SIPA1L2: variants seen among roughly 807,000 people sequenced by gnomAD.
SIPA1L2 encodes signal-induced proliferation-associated 1-like protein 2.
Under a neutral mutation model 163.9 loss-of-function variants are expected in SIPA1L2, and 56 were observed. The observed-to-expected ratio is 0.34, with a 90% CI of 0.28 to 0.43. The LOEUF (loss-of-function observed/expected upper bound fraction) is 0.43, where lower values mean the gene tolerates loss of function less well. SIPA1L2 is among the 20% of genes least tolerant of loss of function. The probability of loss-of-function intolerance (pLI) is 1.00; values close to 1 mark genes in which losing one functional copy is unlikely to be tolerated. For synonymous variants in SIPA1L2, 877 were observed against 865.7 expected, an observed-to-expected ratio of 1.01 and a Z score of -0.23; for missense variants, 1,974 against 2,193.5, an observed-to-expected ratio of 0.90 and a Z score of 2.00.
intron 1 of SIPA1L2, among the ~76,000 whole-genome samples, chr1:232,600,372 C>A (rs1391182531): frequency 6.6e-6 from 1 of 152,158 alleles, no homozygotes; most frequent in African/African-American, 2.4e-5. Flanking sequence ...AATCAATACT[C>A]CCCTTTTATT....
intron 1 of SIPA1L2, among the ~76,000 whole-genome samples, chr1:232,590,642 C>G (rs756255950): frequency 3.9e-5 from 6 of 152,190 alleles, no homozygotes; most frequent in Non-Finnish European, 8.8e-5. Context: ...TTGGGCCTCG[C>G]CCATGCAACC....
At chr1:232,421,951 C>CA (rs1015983445) in intron 18 of SIPA1L2, among the ~76,000 whole-genome samples, 3 of 152,020 alleles carry the variant, frequency 2.0e-5, no homozygotes, top group Non-Finnish European at 4.4e-5. Context: ...CATAAAAAAC[C>CA]AAAAAATTAT....
At chr1:232,581,066 G>A (rs1046394376) in intron 1 of SIPA1L2, among the ~76,000 whole-genome samples, 2 of 152,030 alleles carry the variant, frequency 1.3e-5, no homozygotes, top group Non-Finnish European at 2.9e-5. Context: ...CCATGTTCCT[G>A]ACCTGGGCTA....
chr1:232,506,496 A>G (rs1239414122), intron 3 of SIPA1L2, among the ~76,000 whole-genome samples: 1 of 152,200 alleles, frequency 6.6e-6, no homozygotes, highest in Non-Finnish European at 1.5e-5. Flanking sequence ...AACTATAATT[A>G]AAATGGATGG....
intron 2 of SIPA1L2, among the ~76,000 whole-genome samples, chr1:232,515,909 A>G (rs984589229): frequency 6.6e-6 from 1 of 152,228 alleles, no homozygotes; most frequent in African/African-American, 2.4e-5. Flanking sequence ...TATATCCAAC[A>G]GAGTAATTTT....
intron 2 of SIPA1L2, among the ~76,000 whole-genome samples, chr1:232,532,413 A>G (rs988112925): frequency 6.6e-6 from 1 of 152,224 alleles, no homozygotes; most frequent in Non-Finnish European, 1.5e-5. Flanking sequence ...AAGGCCTGAG[A>G]CACAGCAAGA....
chr1:232,402,363 GTTCTGATTATGCTC>G lies in SIPA1L2; in HGVS notation c.5022+15_5022+28del. 1 of 1,598,462 alleles carries G rather than the reference GTTCTGATTATGCTC, an allele frequency of 6.3e-7. No individual in the cohort carries two copies. The highest frequency in any genetic ancestry group is 8.6e-7 in the Non-Finnish European group (1 of 1,168,458). ...AGGGGCTGATTTTATAAGAGAAACA[GTTCTGATTATGCTC>G]TTCCAATTGATTACCTTCCGAAGGT... On this transcript the variant is annotated intron_variant, in intron 22 of 22. Coordinates refer to ENST00000674635, the MANE Select transcript of SIPA1L2 (RefSeq NM_020808.5).
chr1:232,415,827 T>C (rs868663822), intron 18 of SIPA1L2: 82 of 464,340 alleles, frequency 1.8e-4, no homozygotes, highest in Middle Eastern at 1.7e-3. Context: ...GGCACCACTG[T>C]CCCTCCCAGA....
chr1:232,404,560 T>C (rs1244415096), intron 19 of SIPA1L2, among the ~76,000 whole-genome samples: 1 of 152,170 alleles, frequency 6.6e-6, no homozygotes, highest in African/African-American at 2.4e-5. Flanking sequence ...TCAGTATGTA[T>C]AGCAGTAGCA....
chr1:232,572,666 T>C (rs1238000506), intron 2 of SIPA1L2, among the ~76,000 whole-genome samples: 1 of 122,170 alleles, frequency 8.2e-6, no homozygotes, highest in East Asian at 2.0e-4. Context: ...CAAATACATA[T>C]ATATATATAT....
intron 8 of SIPA1L2, among the ~76,000 whole-genome samples, chr1:232,469,634 G>T (rs913789482): frequency 6.6e-6 from 1 of 152,012 alleles, no homozygotes; most frequent in Non-Finnish European, 1.5e-5. Flanking sequence ...TAACAATGTG[G>T]TTTCTTAAAA....
intron 1 of SIPA1L2, among the ~76,000 whole-genome samples, chr1:232,625,169 G>A (rs993894747): frequency 1.3e-5 from 2 of 152,214 alleles, no homozygotes; most frequent in African/African-American, 4.8e-5. Flanking sequence ...GGAGCTATAT[G>A]GGCTAGTTAT....
intron 1 of SIPA1L2, among the ~76,000 whole-genome samples, chr1:232,591,969 G>C (rs1390573233): frequency 6.6e-6 from 1 of 152,168 alleles, no homozygotes; most frequent in African/African-American, 2.4e-5. Flanking sequence ...CCATCATAAA[G>C]GGCCACTTCT....
chr1:232,501,715 T>C (rs1257550324), intron 3 of SIPA1L2, among the ~76,000 whole-genome samples: 1 of 152,194 alleles, frequency 6.6e-6, no homozygotes, highest in African/African-American at 2.4e-5. Flanking sequence ...ATCTGGCCTT[T>C]TATAAAGCAT....
chr1:232,568,168 G>A (rs146252536), intron 2 of SIPA1L2, among the ~76,000 whole-genome samples: 217 of 152,264 alleles, frequency 1.4e-3, no homozygotes, highest in African/African-American at 4.7e-3. Context: ...CATATCCAAC[G>A]AGGGCGTTGT....
chr1:232,451,898 C>G (rs1337036298), intron 10 of SIPA1L2, among the ~76,000 whole-genome samples: 1 of 143,850 alleles, frequency 7.0e-6, no homozygotes, highest in Non-Finnish European at 1.5e-5. Flanking sequence ...TGCAATTTTT[C>G]ACATTTCTTG....
intron 10 of SIPA1L2, among the ~76,000 whole-genome samples, chr1:232,449,608 GA>G (rs5781696): frequency 0.32 from 47,821 of 148,702 alleles, 8,355 homozygotes; most frequent in East Asian, 0.57. Flanking sequence ...AGAGAAGAGG[GA>G]AAAAAAAAGG....
chr1:232,493,623 A>C lies in SIPA1L2; in HGVS notation c.1521T>G (p.Gly507=). 1 of 1,614,118 alleles carries C rather than the reference A, an allele frequency of 6.2e-7. No individual in the cohort carries two copies. The highest frequency in any genetic ancestry group is 8.5e-7 in the Non-Finnish European group (1 of 1,180,020). ...QNYFGIDENL[G]PVAVSIRREK... ...CTCTCCGGATGCTGACTGCTACTGGACCAAGGTTTTCATCTATTCCAAAGT... is the reference window on the plus strand; with the variant it reads ...CTCTCCGGATGCTGACTGCTACTGGCCCAAGGTTTTCATCTATTCCAAAGT... Residue 507 remains glycine, a synonymous_variant, in exon 4 of 23, where the codon GGT becomes GGG. Transcript: ENST00000674635.
Position 232,432,290 on chromosome 1 carries a change from C to G in SIPA1L2, c.4213G>C (p.Gly1405Arg). ...KYVIGWKKSE[G>R]SPPPEEPEVT... is the part of the protein sequence containing the mutation. The stretch of plus-strand genomic sequence containing the variant: ...TCAGGCTCCTCGGGCGGTGGGCTGC[C>G]CTCCGATTTCTTCCAGCCGATGACA... The change falls in exon 16 of 23, where the codon GGC becomes CGC. Residue 1405 changes from glycine to arginine, a missense_variant. Gly to Arg is a moderately radical substitution (Grantham distance 125). Around this residue, in one of 3 missense-constraint regions of SIPA1L2, gnomAD observed 1,079 missense variants for 1,150.7 expected, o/e 0.94. Coordinates refer to ENST00000674635, the MANE Select transcript of SIPA1L2 (RefSeq NM_020808.5). The G allele has an allele frequency of 6.2e-7, 1 of 1,614,130 alleles. No homozygotes were observed. Among genetic ancestry groups the G allele is most frequent in the Non-Finnish European group, 8.5e-7 (1 of 1,180,048 alleles).
Sources: allele counts gnomAD v4.1 joint callset (sites outside exome capture counted in the v4.1 genomes callset), GRCh38; gene constraint gnomAD v4.1.1; regional missense constraint gnomAD v4.1.1; transcripts MANE v1.5; gene names NCBI Gene and HGNC (gene_info 2026-07-23, HGNC 2026-07-21).